The following TYW1B variants were observed in gnomAD, a reference collection of about 807,000 sequenced individuals.
TYW1B encodes the protein S-adenosyl-L-methionine-dependent tRNA 4-demethylwyosine synthase TYW1B.
In TYW1B, 73 loss-of-function variants were observed where a neutral mutation model predicts 86.9. The observed-to-expected ratio is 0.84, with a 90% CI of 0.70 to 1.02. The LOEUF is 1.02. Among genes scored for constraint, TYW1B ranks in the 50% least tolerant of loss-of-function variants. The probability of loss-of-function intolerance (pLI) is 0.00; values close to 1 mark genes in which losing one functional copy is unlikely to be tolerated. For missense variants in TYW1B, 637 were observed against 827.4 expected (o/e 0.77, Z 2.82); for synonymous variants, 248 against 292.8 (o/e 0.85, Z 1.56).
At chr7:72,587,398 G>A (rs1463771162) in intron 13 of TYW1B, among the ~76,000 whole-genome samples, 3 of 152,128 alleles carry the variant, frequency 2.0e-5, no homozygotes, top group African/African-American at 4.8e-5. Flanking sequence ...TACTCAAATC[G>A]GTGTCCCTGA....
At chr7:72,583,358 A>G (rs76337288) in intron 13 of TYW1B, among the ~76,000 whole-genome samples, 4,447 of 152,264 alleles carry the variant, frequency 0.029, 211 homozygotes, top group African/African-American at 0.1. Flanking sequence ...TCAAAAAAAG[A>G]AAGATAATTA....
At chr7:72,716,216 C>T (rs191844715) in intron 9 of TYW1B, among the ~76,000 whole-genome samples, 6 of 152,300 alleles carry the variant, frequency 3.9e-5, no homozygotes, top group Admixed American at 2.0e-4. Flanking sequence ...GGATTACAGG[C>T]GTGAGCCACC....
At chr7:72,734,268 A>AAAAAAAAAAAAAAAAACAAAAAAAAAAAC (rs56806378) in intron 8 of TYW1B, among the ~76,000 whole-genome samples, 2 of 98,096 alleles carry the variant, frequency 2.0e-5, no homozygotes, top group Non-Finnish European at 4.2e-5. Context: ...AAAAAAAAAA[A>AAAAAAAAAAAAAAAAACAAAAAAAAAAAC]ACACAACAAA....
chr7:72,716,454 A>G, intron 9 of TYW1B, among the ~76,000 whole-genome samples: 1 of 152,220 alleles, frequency 6.6e-6, no homozygotes, highest in Non-Finnish European at 1.5e-5. Context: ...AGTAACAAAG[A>G]ACGTGGGCGA....
chr7:72,810,341 T>C, intron 4 of TYW1B, 130 bp downstream of exon 4: 2 of 948,598 alleles, frequency 2.1e-6, no homozygotes, highest in East Asian at 2.7e-5. Flanking sequence ...AGTTTGTGGA[T>C]TATTTCACAT....
At chr7:72,824,604 G>T (rs1788895438) in intron 2 of TYW1B, among the ~76,000 whole-genome samples, 1 of 152,012 alleles carries the variant, frequency 6.6e-6, no homozygotes, top group Admixed American at 6.6e-5. Context: ...AACCAGATGT[G>T]ATGGCAGGCA....
rs782588999 is a variant in TYW1B at position 72,575,712 on chromosome 7, A to G, written c.1793T>C (p.Ile598Thr). 2.5e-6 allele frequency: 4 copies of G among 1,589,868 alleles called. No individual in the cohort carries two copies. The Admixed American group carries it at 5.6e-5, about 22-fold the overall frequency. ...CLLIAHRKFK[I>T]GGEWWTWIDY... Reference sequence around the variant, plus strand: ...GATCCATGTCCACCATTCACCACCAATTTTAAACTGGAAAGAAAAAAATGT... The same window carrying G: ...GATCCATGTCCACCATTCACCACCAGTTTTAAACTGGAAAGAAAAAAATGT... The change falls in exon 14 of 14, where the codon ATT (isoleucine) becomes ACT (threonine). Residue 598 changes from isoleucine (I) to threonine (T), a missense_variant. Physicochemically the swap from Ile to Thr is moderately conservative, Grantham distance 89. Coordinates refer to ENST00000620995, the MANE Select transcript of TYW1B (RefSeq NM_001145440.3).
At chr7:72,765,845 T>C (rs1787760072) in intron 7 of TYW1B, among the ~76,000 whole-genome samples, 1 of 152,204 alleles carries the variant, frequency 6.6e-6, no homozygotes, top group South Asian at 2.1e-4. Context: ...CTGCCCAATG[T>C]CATGACCAAA....
chr7:72,623,529 T>C (rs375697521), intron 12 of TYW1B, among the ~76,000 whole-genome samples: 1 of 152,128 alleles, frequency 6.6e-6, no homozygotes. Context: ...CATCCTTTCA[T>C]TGAAGGTGAA....
Position 72,575,376 on chromosome 7 carries a change from A to G in TYW1B, c.*122T>C. On this transcript the variant is annotated 3_prime_UTR_variant, in exon 14 of 14. Coordinates refer to ENST00000620995, the MANE Select transcript of TYW1B (RefSeq NM_001145440.3). Reference sequence around the variant, plus strand: ...CCCGTGTCTCCATGTTTACTGCCTTATCGTCTCCTTTGTATGAAAGTATAA... The same window carrying G: ...CCCGTGTCTCCATGTTTACTGCCTTGTCGTCTCCTTTGTATGAAAGTATAA... 1 of 1,460,872 alleles carries G rather than the reference A, an allele frequency of 6.8e-7. No homozygotes were observed. The highest frequency in any genetic ancestry group is 9.0e-7 in the Non-Finnish European group (1 of 1,106,924). The allele number at this position is 1,460,872 out of a possible 1,614,324, so 90.5% of individuals were successfully genotyped here.
At chr7:72,632,417 ATATATAAAATATATATATACG>A (rs1812548399) in intron 11 of TYW1B, among the ~76,000 whole-genome samples, 1 of 110,992 alleles carries the variant, frequency 9.0e-6, no homozygotes, top group African/African-American at 4.1e-5. Context: ...ATATACATAT[ATATATAAAATATATATATACG>A]TATATATATA....
rs551815444 is a variant in TYW1B at position 72,586,903 on chromosome 7, T to C, written c.1786-11184A>G. Among the ~76,000 whole-genome samples the C allele has an allele frequency of 7.7e-4, 117 of 152,104 alleles. 1 individual carries two copies. Among genetic ancestry groups the C allele is most frequent in the Non-Finnish European group, 1.3e-3 (91 of 68,006 alleles). On this transcript the variant is annotated intron_variant, in intron 13 of 13. Coordinates refer to ENST00000620995, the MANE Select transcript of TYW1B (RefSeq NM_001145440.3). ...TTTGTTTGGGTAAAATTCATCTATC[T>C]GCACAATCAGCATTTCAAAGGCCAT...
intron 11 of TYW1B, among the ~76,000 whole-genome samples, chr7:72,632,438 GTATATATATAAAATATATATATACA>G (rs1391327581): frequency 1.2e-3 from 97 of 77,910 alleles, no homozygotes; most frequent in Middle Eastern, 0.013. Flanking sequence ...ATATATATAC[GTATATATATAAAATATATATATACA>G]TATATATATA....
chr7:72,807,004 C>G, intron 5 of TYW1B, 62 bp downstream of exon 5: 3 of 1,561,934 alleles, frequency 1.9e-6, no homozygotes, highest in Non-Finnish European at 2.6e-6. Context: ...AGGAAGAGCT[C>G]AAGCTCGAGA....
chr7:72,756,787 T>C (rs1024712559), intron 7 of TYW1B, among the ~76,000 whole-genome samples: 2 of 152,038 alleles, frequency 1.3e-5, no homozygotes, highest in Non-Finnish European at 2.9e-5. Flanking sequence ...ACTTTTACAA[T>C]CCAACAACAG....
intron 13 of TYW1B, among the ~76,000 whole-genome samples, chr7:72,609,246 C>G (rs1349445854): frequency 3.3e-5 from 5 of 152,140 alleles, no homozygotes; most frequent in Non-Finnish European, 5.9e-5. Context: ...CACTCTCTTT[C>G]AGAAGTCCCA....
At chr7:72,761,846 C>T (rs1233394892) in intron 7 of TYW1B, among the ~76,000 whole-genome samples, 1 of 150,944 alleles carries the variant, frequency 6.6e-6, no homozygotes, top group Non-Finnish European at 1.5e-5. Context: ...AAAATGACTG[C>T]TTATTTAAGT....
intron 13 of TYW1B, among the ~76,000 whole-genome samples, chr7:72,593,293 C>CAAAA (rs369019708): frequency 6.9e-6 from 1 of 144,008 alleles, no homozygotes; most frequent in Non-Finnish European, 1.5e-5. Context: ...AACTCCATCT[C>CAAAA]AAAAAAAGAA....
chr7:72,686,616 C>T (rs1814012538), intron 11 of TYW1B, among the ~76,000 whole-genome samples: 1 of 152,150 alleles, frequency 6.6e-6, no homozygotes, highest in Non-Finnish European at 1.5e-5. Context: ...CCATATGACA[C>T]TGTAATGGTG....
Sources: allele counts gnomAD v4.1 joint callset (sites outside exome capture counted in the v4.1 genomes callset), GRCh38; gene constraint gnomAD v4.1.1; transcripts MANE v1.5; gene names NCBI Gene and HGNC (gene_info 2026-07-23, HGNC 2026-07-21).